RSRC1: variants seen among roughly 807,000 people sequenced by gnomAD.
RSRC1 encodes serine/Arginine-related protein 53.
In RSRC1, 39 loss-of-function variants were observed where a neutral mutation model predicts 49.1. The observed-to-expected ratio is 0.79, with a 90% CI of 0.61 to 1.04. The LOEUF (loss-of-function observed/expected upper bound fraction) is 1.04, where lower values mean the gene tolerates loss of function less well. RSRC1 is among the 50% of genes least tolerant of loss of function. The pLI, the probability that RSRC1 is intolerant of heterozygous loss-of-function variation, is 0.00. For synonymous variants in RSRC1, 143 were observed against 130.8 expected, an observed-to-expected ratio of 1.09 and a Z score of -0.63; for missense variants, 388 against 402.4, an observed-to-expected ratio of 0.96 and a Z score of 0.31.
chr3:158,196,912 A>T (rs1720658694), intron 3 of RSRC1, among the ~76,000 whole-genome samples: 1 of 152,144 alleles, frequency 6.6e-6, no homozygotes, highest in Non-Finnish European at 1.5e-5. Flanking sequence ...CCAGTATTTT[A>T]TTGAGGATTT....
At chr3:158,435,749 C>A (rs573282196) in intron 6 of RSRC1, among the ~76,000 whole-genome samples, 15 of 151,748 alleles carry the variant, frequency 9.9e-5, no homozygotes, top group African/African-American at 3.6e-4. Context: ...CATGTTTATA[C>A]ATGAGTGCAG....
intron 1 of RSRC1, among the ~76,000 whole-genome samples, chr3:158,117,045 C>T (rs922100536): frequency 4.6e-5 from 7 of 151,998 alleles, no homozygotes; most frequent in East Asian, 1.9e-4. Flanking sequence ...ATTCTAATCT[C>T]GTAGCAGAAC....
chr3:158,271,876 G>A lies in RSRC1; in HGVS notation c.495-26163G>A, dbSNP rs73166364. Among the ~76,000 whole-genome samples the A allele has an allele frequency of 2.8e-3, 429 of 152,192 alleles. 1 individual carries two copies. The highest frequency in any genetic ancestry group is 4.5e-3 in the Non-Finnish European group (306 of 67,958). On this transcript the variant is annotated intron_variant, in intron 4 of 9. Transcript: ENST00000611884. ...ATATAGGTGAGTAATCTAAGAAAGT[G>A]ACATGAGTTACCATGAGATAAGGAG...
At chr3:158,456,709 C>A (rs984642439) in intron 6 of RSRC1, among the ~76,000 whole-genome samples, 1 of 151,880 alleles carries the variant, frequency 6.6e-6, no homozygotes, top group Non-Finnish European at 1.5e-5. Context: ...GAATGGGCAC[C>A]CCAGCAGTAA....
At chr3:158,248,360 A>G (rs552891829) in intron 4 of RSRC1, among the ~76,000 whole-genome samples, 1 of 152,320 alleles carries the variant, frequency 6.6e-6, no homozygotes, top group South Asian at 2.1e-4. Context: ...ACAATGTTGC[A>G]TATATCAGCA....
intron 6 of RSRC1, among the ~76,000 whole-genome samples, chr3:158,371,776 C>G (rs1032200400): frequency 6.6e-6 from 1 of 151,852 alleles, no homozygotes; most frequent in African/African-American, 2.4e-5. Context: ...TGAGAAACTG[C>G]AAACTGTTTT....
At position 158,225,266 on chromosome 3, in the gene RSRC1, G is replaced by A. The variant is rs1361095924; in HGVS notation, c.494+22021G>A. The stretch of plus-strand genomic sequence containing the variant: ...GTGAGATTTTGATATTTTAAGTTAC[G>A]TAGTTGTCTAAGTAACTCTTATCTT... On this transcript the variant is annotated intron_variant, in intron 4 of 9. Transcript: ENST00000611884. Among the ~76,000 whole-genome samples, 6 of 151,934 alleles carry A rather than the reference G, an allele frequency of 3.9e-5. No homozygotes were observed. The East Asian group carries it at 7.8e-4, about 20-fold the overall frequency.
chr3:158,540,826 T>G (rs973927318), intron 8 of RSRC1, among the ~76,000 whole-genome samples: 1 of 152,198 alleles, frequency 6.6e-6, no homozygotes, highest in Non-Finnish European at 1.5e-5. Context: ...ACAGAATAAC[T>G]GGTACCAAAT....
chr3:158,193,568 A>G (rs1720365010), intron 3 of RSRC1, among the ~76,000 whole-genome samples: 1 of 152,108 alleles, frequency 6.6e-6, no homozygotes, highest in Non-Finnish European at 1.5e-5. Context: ...CCGTATGTCT[A>G]TATGCATATA....
At chr3:158,318,314 C>A (rs1280599630) in intron 5 of RSRC1, among the ~76,000 whole-genome samples, 1 of 152,128 alleles carries the variant, frequency 6.6e-6, no homozygotes, top group Non-Finnish European at 1.5e-5. Context: ...ACACAGGCAA[C>A]ATTAGGGTAT....
intron 6 of RSRC1, among the ~76,000 whole-genome samples, chr3:158,420,208 T>C (rs1032862048): frequency 6.6e-6 from 1 of 152,018 alleles, no homozygotes; most frequent in African/African-American, 2.4e-5. Context: ...AGCATTGTAC[T>C]GGTAAGTAAA....
At chr3:158,467,005 G>A (rs1038392845) in intron 7 of RSRC1, among the ~76,000 whole-genome samples, 2 of 152,170 alleles carry the variant, frequency 1.3e-5, no homozygotes, top group Admixed American at 1.3e-4. Flanking sequence ...GTTCCATTGA[G>A]CTGGATTAAG....
chr3:158,282,230 T>C (rs1726222819), intron 4 of RSRC1, among the ~76,000 whole-genome samples: 1 of 152,214 alleles, frequency 6.6e-6, no homozygotes, highest in East Asian at 1.9e-4. Context: ...TGCCAGACTA[T>C]TGGGAGTTTT....
chr3:158,256,716 G>A (rs916979923), intron 4 of RSRC1, among the ~76,000 whole-genome samples: 7 of 152,000 alleles, frequency 4.6e-5, no homozygotes, highest in Non-Finnish European at 8.8e-5. Context: ...TTTTTTGGTT[G>A]GTAGGCTATT....
intron 7 of RSRC1, among the ~76,000 whole-genome samples, chr3:158,521,301 A>G (rs1228360255): frequency 6.6e-6 from 1 of 152,094 alleles, no homozygotes; most frequent in Non-Finnish European, 1.5e-5. Context: ...ACTGTTGTAC[A>G]TGTTCTATTT....
intron 6 of RSRC1, among the ~76,000 whole-genome samples, chr3:158,446,280 C>CA (rs1248353003): frequency 1.8e-5 from 2 of 110,570 alleles, no homozygotes; most frequent in Non-Finnish European, 3.9e-5. Flanking sequence ...GATGTTGTTG[C>CA]AAGGTTTTTT....
rs1722708995 is a variant in RSRC1, at chr3:158,228,966, G to GTGTATATGTGTGTATAAACACACACA, written c.494+25745_494+25746insCATGTATATGTGTGTATAAACACACA. ...TATATGTGTGTATAAACACACATACGTGTATATGTGTGTATAAACACACAT... is the reference window on the plus strand; with the variant it reads ...TATATGTGTGTATAAACACACATACGTGTATATGTGTGTATAAACACACACATGTATATGTGTGTATAAACACACAT... On this transcript the variant is annotated intron_variant, in intron 4 of 9. Coordinates refer to ENST00000611884, the MANE Select transcript of RSRC1 (RefSeq NM_001271838.2). 6.7e-5 allele frequency among the ~76,000 whole-genome samples: 9 copies of GTGTATATGTGTGTATAAACACACACA among 134,140 alleles called. 3 individuals carry two copies. The highest frequency in any genetic ancestry group is 2.9e-4 in the Admixed American group (4 of 13,762). The allele number at this position is 134,140 out of a possible 152,430, so 88.0% of individuals were successfully genotyped here.
chr3:158,279,948 AGCTGGTGTTACT>A (rs781001791), intron 4 of RSRC1, among the ~76,000 whole-genome samples: 4 of 152,250 alleles, frequency 2.6e-5, no homozygotes, highest in Non-Finnish European at 5.9e-5. Flanking sequence ...AAGACTGGTC[AGCTGGTGTTACT>A]GCCTGTGTAT....
At chr3:158,304,336 C>T (rs1381605488) in intron 5 of RSRC1, among the ~76,000 whole-genome samples, 2 of 152,108 alleles carry the variant, frequency 1.3e-5, no homozygotes. Context: ...GAAAATCAAA[C>T]TGCTGTATTT....
Sources: allele counts gnomAD v4.1 joint callset (sites outside exome capture counted in the v4.1 genomes callset), GRCh38; gene constraint gnomAD v4.1.1; transcripts MANE v1.5; gene names NCBI Gene and HGNC (gene_info 2026-07-23, HGNC 2026-07-21).